The following COL4A6 variants were observed in gnomAD, a reference collection of about 807,000 sequenced individuals.
COL4A6 encodes collagen type IV alpha 6 chain.
COL4A6 carries 59 observed loss-of-function variants against 126.7 expected under a neutral mutation model. That is an observed-to-expected ratio of 0.47 (90% CI 0.38 to 0.58). COL4A6 has a LOEUF of 0.58. Among genes scored for constraint, COL4A6 ranks in the 20% least tolerant of loss-of-function variants. The probability of loss-of-function intolerance (pLI) is 0.00; values close to 1 mark genes in which losing one functional copy is unlikely to be tolerated. For missense variants in COL4A6, 1,285 were observed against 1,337.3 expected, an observed-to-expected ratio of 0.96 and a Z score of 0.61; for synonymous variants, 547 against 496.6, an observed-to-expected ratio of 1.10 and a Z score of -1.35.
intron 2 of COL4A6, among the ~76,000 whole-genome samples, chrX:108,366,568 A>G (rs2040201686): frequency 8.9e-6 from 1 of 112,059 alleles, no homozygotes; most frequent in East Asian, 2.8e-4. Context: ...GCCCCCTACC[A>G]TTCTCACTGT....
chrX:108,405,852 T>C (rs1325212292), intron 2 of COL4A6, among the ~76,000 whole-genome samples: 1 of 111,985 alleles, frequency 8.9e-6, no homozygotes, highest in Non-Finnish European at 1.9e-5. Context: ...TTTCTCCATC[T>C]TCCACTGTCA....
chrX:108,404,829 T>G (rs746988266), intron 2 of COL4A6, among the ~76,000 whole-genome samples: 1 of 112,228 alleles, frequency 8.9e-6, no homozygotes, highest in South Asian at 3.7e-4. Context: ...CCATATATCA[T>G]TGCCAATTTT....
intron 3 of COL4A6, among the ~76,000 whole-genome samples, chrX:108,285,868 C>A (rs1287625734): frequency 9.0e-6 from 1 of 111,480 alleles, no homozygotes; most frequent in Non-Finnish European, 1.9e-5. Flanking sequence ...GTATGGCTAA[C>A]CAAAAGAAAT....
chrX:108,181,544 CTG>C (rs1569336707), intron 23 of COL4A6, among the ~76,000 whole-genome samples: 1 of 112,194 alleles, frequency 8.9e-6, no homozygotes, highest in East Asian at 2.8e-4. Flanking sequence ...ACCAGTATGA[CTG>C]TACTATGCAA....
chrX:108,425,371 T>A (rs752795780), intron 2 of COL4A6, among the ~76,000 whole-genome samples: 3 of 111,007 alleles, frequency 2.7e-5, no homozygotes, highest in Non-Finnish European at 5.7e-5. Flanking sequence ...CCCCATGATG[T>A]TCACTATTAC....
intron 6 of COL4A6, chrX:108,213,715 C>T (rs1443312277): frequency 7.4e-6 from 1 of 134,457 alleles, no homozygotes; most frequent in Non-Finnish European, 1.4e-5. Flanking sequence ...ATAGACCAAG[C>T]TTGCAAGCCC....
intron 43 of COL4A6, 199 bp from the exon 44 acceptor site, chrX:108,159,947 G>T (rs761762841): frequency 3.2e-5 from 16 of 507,856 alleles, no homozygotes; most frequent in Admixed American, 2.5e-4. Context: ...ATAATAACAA[G>T]AATCTTTTTA....
chrX:108,374,240 G>C (rs1230808456), intron 2 of COL4A6, among the ~76,000 whole-genome samples: 1 of 112,219 alleles, frequency 8.9e-6, no homozygotes, highest in Non-Finnish European at 1.9e-5. Flanking sequence ...AGCCAATCTA[G>C]AAGCAAAGGA....
At chrX:108,347,205 C>T (rs1389148056) in intron 2 of COL4A6, among the ~76,000 whole-genome samples, 1 of 111,826 alleles carries the variant, frequency 8.9e-6, no homozygotes, top group South Asian at 3.8e-4. Flanking sequence ...ACACCACCCA[C>T]TTACACTAGG....
chrX:108,249,877 C>A (rs898765611), intron 3 of COL4A6, among the ~76,000 whole-genome samples: 1 of 111,882 alleles, frequency 8.9e-6, no homozygotes, highest in African/African-American at 3.3e-5. Context: ...CAGGAGTCTG[C>A]AGTTGTATAA....
chrX:108,379,840 G>T (rs2148130685), intron 2 of COL4A6, among the ~76,000 whole-genome samples: 1 of 109,782 alleles, frequency 9.1e-6, no homozygotes, highest in South Asian at 4.0e-4. Flanking sequence ...CTCAAGGCTG[G>T]ATGGTACAGA....
At chrX:108,241,476 T>C (rs2036569581) in intron 3 of COL4A6, among the ~76,000 whole-genome samples, 1 of 106,754 alleles carries the variant, frequency 9.4e-6, no homozygotes, top group South Asian at 3.9e-4. Flanking sequence ...GCTATTATGA[T>C]TCATATATTA....
intron 41 of COL4A6, among the ~76,000 whole-genome samples, chrX:108,162,097 C>T (rs1297032021): frequency 8.9e-6 from 1 of 112,420 alleles, no homozygotes; most frequent in Non-Finnish European, 1.9e-5. Flanking sequence ...TGCCTGTAAT[C>T]CCAGCACTTT....
chrX:108,164,881 C>T lies in COL4A6; in HGVS notation c.3966G>A (p.Leu1322=). 8.3e-7 allele frequency: 1 copy of T among 1,201,178 alleles called. No individual in the cohort carries two copies. Among genetic ancestry groups the T allele is most frequent in the Non-Finnish European group, 1.1e-6 (1 of 889,487 alleles). The change falls in exon 39 of 45, where the codon CTG becomes CTA. Residue 1322 remains leucine (L), a synonymous_variant. Transcript: ENST00000334504. ...GFSGLPGELG[L]KGMRGEPGFM... ...CAGCCAGCCGAGCAGCCGTACCTTT[C>T]AGTCCTAGCTCTCCAGGGAGGCCAG...
intron 2 of COL4A6, among the ~76,000 whole-genome samples, chrX:108,400,652 G>A (rs994490774): frequency 9.0e-6 from 1 of 111,048 alleles, no homozygotes; most frequent in South Asian, 3.8e-4. Context: ...CTTATCTTCT[G>A]TTTTTTGAAA....
chrX:108,274,986 C>T (rs1022692029), intron 3 of COL4A6, among the ~76,000 whole-genome samples: 3 of 110,849 alleles, frequency 2.7e-5, no homozygotes, highest in Non-Finnish European at 5.7e-5. Context: ...GTCATATAGG[C>T]GGGGGTGGGA....
intron 2 of COL4A6, among the ~76,000 whole-genome samples, chrX:108,397,172 A>G (rs2040983960): frequency 9.0e-6 from 1 of 111,716 alleles, no homozygotes; most frequent in African/African-American, 3.3e-5. Flanking sequence ...ATAAATAAGC[A>G]TATAATCTAC....
intron 2 of COL4A6, among the ~76,000 whole-genome samples, chrX:108,347,974 C>T (rs188442043): frequency 9.0e-6 from 1 of 110,857 alleles, no homozygotes; most frequent in African/African-American, 3.3e-5. Context: ...GCAGGCCAGG[C>T]TGGCTACAGC....
chrX:108,337,091 G>A (rs186724245), intron 2 of COL4A6, among the ~76,000 whole-genome samples: 1 of 111,767 alleles, frequency 8.9e-6, no homozygotes, highest in African/African-American at 3.2e-5. Context: ...AGCATTAAAA[G>A]TTAACATTAC....
Sources: gnomAD v4.1 joint callset for allele counts (sites outside exome capture counted in the v4.1 genomes callset) on GRCh38, gnomAD v4.1.1 for gene constraint, MANE v1.5 for transcripts, NCBI Gene and HGNC (gene_info 2026-07-23, HGNC 2026-07-21) for gene names.